Variants in ZNF276 observed in about 807,000 individuals in gnomAD.
ZNF276 encodes centromere protein Z.
ZNF276 carries 59 observed loss-of-function variants against 63.9 expected under a neutral mutation model. That is an observed-to-expected ratio of 0.92 (90% CI 0.75 to 1.15). The LOEUF is 1.15. ZNF276 is among the 50% of genes most tolerant of loss of function. ZNF276 has a pLI of 0.00. For missense variants in ZNF276, 1,084 were observed against 843.8 expected, an observed-to-expected ratio of 1.28 and a Z score of -3.53; for synonymous variants, 496 against 348.4, an observed-to-expected ratio of 1.42 and a Z score of -4.72.
At position 89,725,331 on chromosome 16, in the gene ZNF276, G is replaced by A. The variant is rs559482240; in HGVS notation, c.1006+1622G>A. Among the ~76,000 whole-genome samples, 8 of 149,724 alleles carry A rather than the reference G, an allele frequency of 5.3e-5. No homozygotes were observed. The South Asian group carries it at 1.5e-3, about 28-fold the overall frequency. On this transcript the variant is annotated intron_variant, in intron 4 of 10. Coordinates refer to ENST00000443381, the MANE Select transcript of ZNF276 (RefSeq NM_001113525.2). ...CGAGTAGCTGGGATGATGGGCACGC[G>A]CCACTACGCCCACCTAATTTTTGTA...
intron 4 of ZNF276, among the ~76,000 whole-genome samples, chr16:89,724,289 C>T (rs562062598): frequency 1.6e-4 from 24 of 152,194 alleles, no homozygotes; most frequent in Non-Finnish European, 2.8e-4. Flanking sequence ...AGTTTCCCTC[C>T]GGCCTCTTGT....
At chr16:89,734,752 G>A (rs530445079) in intron 9 of ZNF276, among the ~76,000 whole-genome samples, 11 of 152,208 alleles carry the variant, frequency 7.2e-5, no homozygotes, top group Non-Finnish European at 1.3e-4. Flanking sequence ...CATTAAGACC[G>A]GAGGCGGATG....
In ZNF276 at chr16:89,739,523, A is replaced by T. The variant is rs1276681258; in HGVS notation, c.*1277A>T. On this transcript the variant is annotated 3_prime_UTR_variant, in exon 11 of 11. Coordinates refer to ENST00000443381, the MANE Select transcript of ZNF276 (RefSeq NM_001113525.2). ...CAGCCTGGTGTGCTGATCCGGGGCC[A>T]CACGGAGGAGGAGCCGCCCCAGCCT... The T allele has an allele frequency of 6.4e-7, 1 of 1,551,280 alleles. No homozygotes were observed. Among genetic ancestry groups the T allele is most frequent in the Non-Finnish European group, 8.7e-7 (1 of 1,147,110 alleles).
upstream of ZNF276, chr16:89,721,307 C>T (rs1444074045): frequency 1.1e-5 from 3 of 267,076 alleles, no homozygotes; most frequent in African/African-American, 2.2e-5. Context: ...CGTCGCCTCT[C>T]CCTGGAGGAC....
chr16:89,739,791 C>T lies in ZNF276; in HGVS notation c.*1545C>T, dbSNP rs1258311819. 5.5e-6 allele frequency: 8 copies of T among 1,466,728 alleles called. No individual in the cohort carries two copies. The highest frequency in any genetic ancestry group is 6.3e-6 in the Non-Finnish European group (7 of 1,113,084). The allele number at this position is 1,466,728 out of a possible 1,614,324, so 90.9% of individuals were successfully genotyped here. Reference sequence around the variant, plus strand: ...AGAGAGAGGCAGTCCCCATGATAGGCCCATTGGTCCTGGGGTTGACCAGTG... The same window carrying T: ...AGAGAGAGGCAGTCCCCATGATAGGTCCATTGGTCCTGGGGTTGACCAGTG... On this transcript the variant is annotated 3_prime_UTR_variant, in exon 11 of 11. Transcript: ENST00000443381.
chr16:89,723,211 C>T, intron 3 of ZNF276, 28 bp downstream of exon 3: 1 of 1,613,142 alleles, frequency 6.2e-7, no homozygotes, highest in Non-Finnish European at 8.5e-7. Context: ...GGAGGGTGGG[C>T]TGGGTGCCGA....
upstream of ZNF276, chr16:89,720,597 G>T (rs2061233738): frequency 1.6e-6 from 2 of 1,225,782 alleles, no homozygotes; most frequent in African/African-American, 3.2e-5. Flanking sequence ...CTGCACGCCC[G>T]GCTGCGCCCC....
At chr16:89,721,473 T>TCCCGCCCCTGGCCCCTGG (rs1454054315), upstream of ZNF276, 2 of 559,536 alleles carry the variant, frequency 3.6e-6, no homozygotes, top group African/African-American at 2.1e-5. Flanking sequence ...GCCGGCGGGG[T>TCCCGCCCCTGGCCCCTGG]CCCGCCCCTG....
In ZNF276 at chr16:89,733,929, C is replaced by T. The variant is rs748254162; in HGVS notation, c.1365C>T (p.Ile455=). 12 of 1,613,764 alleles carry T rather than the reference C, an allele frequency of 7.4e-6. No individual in the cohort carries two copies. The highest frequency in any genetic ancestry group is 1.0e-5 in the Non-Finnish European group (12 of 1,179,904). The part of the protein sequence containing the change: ...YRGADGMKKH[I]KEHHEEVRER... ...CCGAGTCTCTCCTTCAGAAGCACATCAAGGAGCACCACGAGGAGGTCCGGG... is the reference window on the plus strand; with the variant it reads ...CCGAGTCTCTCCTTCAGAAGCACATTAAGGAGCACCACGAGGAGGTCCGGG... Residue 455 remains isoleucine, a synonymous_variant, in exon 9 of 11, where the codon ATC becomes ATT. Transcript: ENST00000443381.
chr16:89,733,661 A>AAAGTGTC, intron 8 of ZNF276, 104 bp downstream of exon 8: 1 of 1,354,766 alleles, frequency 7.4e-7, no homozygotes, highest in Non-Finnish European at 1.0e-6. Flanking sequence ...GCCCAAGGAC[A>AAAGTGTC]CTTTGACCTA....
At chr16:89,732,724 C>T (rs1289975225) in intron 6 of ZNF276, 2 of 199,606 alleles carry the variant, frequency 1.0e-5, no homozygotes, top group South Asian at 5.6e-5. Context: ...TCGTCCTCTG[C>T]CGTTTGCCCC....
At position 89,737,797 on chromosome 16, in the gene ZNF276, C is replaced by T; in HGVS notation, c.1475-9C>T. On this transcript the variant is annotated splice_polypyrimidine_tract_variant and intron_variant, in intron 9 of 10. Transcript: ENST00000443381. ...AGGGGCCTGGACTCACTGGACTCTC[C>T]CCTCTCAGAGGTGCGGAACTATATC... 3 of 1,614,152 alleles carry T rather than the reference C, an allele frequency of 1.9e-6. No individual in the cohort carries two copies. The highest frequency in any genetic ancestry group is 2.5e-6 in the Non-Finnish European group (3 of 1,180,032).
chr16:89,725,330 C>T (rs541329364), intron 4 of ZNF276, among the ~76,000 whole-genome samples: 10 of 108,688 alleles, frequency 9.2e-5, no homozygotes, highest in East Asian at 2.9e-4. Context: ...GATGGGCACG[C>T]GCCACTACGC....
At chr16:89,727,448 A>G (rs1471131541) in intron 5 of ZNF276, 91 bp downstream of exon 5, 1 of 1,435,042 alleles carries the variant, frequency 7.0e-7, no homozygotes, top group Non-Finnish European at 9.6e-7. Flanking sequence ...GTGGGTTTAA[A>G]CAGCCTAAAA....
chr16:89,726,553 G>C (rs761425065), intron 4 of ZNF276, among the ~76,000 whole-genome samples: 6 of 152,102 alleles, frequency 3.9e-5, no homozygotes, highest in Non-Finnish European at 8.8e-5. Flanking sequence ...GGTTGGTCTT[G>C]ATCTCCTGAC....
intron 4 of ZNF276, among the ~76,000 whole-genome samples, chr16:89,725,530 G>A (rs1042656883): frequency 5.5e-5 from 8 of 145,574 alleles, no homozygotes; most frequent in Non-Finnish European, 1.1e-4. Flanking sequence ...AGTGGTTCAC[G>A]CCTGTAATCC....
chr16:89,734,757 C>T (rs996134646), intron 9 of ZNF276, among the ~76,000 whole-genome samples: 3 of 152,006 alleles, frequency 2.0e-5, no homozygotes, highest in Non-Finnish European at 4.4e-5. Flanking sequence ...AGACCGGAGG[C>T]GGATGGGGGA....
Position 89,739,671 on chromosome 16 carries a change from G to A in ZNF276, c.*1425G>A, listed in dbSNP as rs898687852. 1.3e-6 allele frequency: 2 copies of A among 1,508,736 alleles called. No individual in the cohort carries two copies. The highest frequency in any genetic ancestry group is 9.0e-7 in the Non-Finnish European group (1 of 1,114,584). 93.5% of individuals were successfully genotyped at this position (1,508,736 alleles called of 1,614,324 possible). A position where few individuals can be genotyped will look rare whatever the true frequency, so the allele number is the denominator to read the frequency against. ...GGAGGCCTGGCTGTGGGGATAGTGT[G>A]GGGCGAACAGCCTGAGCTGAGGATA... On this transcript the variant is annotated 3_prime_UTR_variant, in exon 11 of 11. Coordinates refer to ENST00000443381, the MANE Select transcript of ZNF276 (RefSeq NM_001113525.2).
chr16:89,733,265 T>C lies in ZNF276; in HGVS notation c.1170-37T>C, dbSNP rs2151691916. ...ACAAAAAACATTTTGCAAATGGAGA[T>C]CAGAAACCATTGAATTTGGGAACCT... On this transcript the variant is annotated intron_variant, in intron 6 of 10. Coordinates refer to ENST00000443381, the MANE Select transcript of ZNF276 (RefSeq NM_001113525.2). 1.9e-6 allele frequency: 3 copies of C among 1,583,558 alleles called. No homozygotes were observed. The East Asian group carries it at 6.7e-5, about 35-fold the overall frequency.
Sources: allele counts gnomAD v4.1 joint callset (sites outside exome capture counted in the v4.1 genomes callset), GRCh38; gene constraint gnomAD v4.1.1; transcripts MANE v1.5; gene names NCBI Gene and HGNC (gene_info 2026-07-23, HGNC 2026-07-21).